The following CDH13 variants were observed in gnomAD, a reference collection of about 807,000 sequenced individuals.
CDH13 encodes cadherin 13, also known as cadherin-13.
In CDH13, 24 loss-of-function variants were observed where a neutral mutation model predicts 63.8. The ratio of observed to expected loss-of-function variants is 0.38; its 90% CI spans 0.27 to 0.53. CDH13 has a LOEUF of 0.53. Ranked by LOEUF, CDH13 falls within the 20% of genes least tolerant of loss-of-function variation. The pLI, the probability that CDH13 is intolerant of heterozygous loss-of-function variation, is 0.85. For missense variants in CDH13, 1,049 were observed against 903.1 expected, an observed-to-expected ratio of 1.16 and a Z score of -2.07; for synonymous variants, 503 against 355.3, an observed-to-expected ratio of 1.42 and a Z score of -4.67.
rs1212082634 is a variant in CDH13 at position 83,114,107 on chromosome 16, C to T, written c.367-11278C>T. Among the ~76,000 whole-genome samples, 8 of 152,202 alleles carry T rather than the reference C, an allele frequency of 5.3e-5. 1 individual carries two copies. The highest frequency in any genetic ancestry group is 2.6e-4 in the Admixed American group (4 of 15,284). ...TGGGCAAAGCAGTTTATTTTCTACC[C>T]GAAGCATATCTACTAATAGAAATGA... On this transcript the variant is annotated intron_variant, in intron 3 of 13. Transcript: ENST00000567109.
chr16:83,333,756 A>G (rs116477455), intron 5 of CDH13, among the ~76,000 whole-genome samples: 1,757 of 152,272 alleles, frequency 0.012, 37 homozygotes, highest in African/African-American at 0.04. Flanking sequence ...AGAGAGCATG[A>G]TCACATGACC....
intron 1 of CDH13, among the ~76,000 whole-genome samples, chr16:82,836,611 G>T (rs2038778097): frequency 2.6e-5 from 4 of 152,076 alleles, no homozygotes; most frequent in Non-Finnish European, 5.9e-5. Flanking sequence ...GATAAGTTCT[G>T]GTATAATGGA....
At chr16:83,245,451 C>T (rs1904894916) in intron 5 of CDH13, among the ~76,000 whole-genome samples, 1 of 152,222 alleles carries the variant, frequency 6.6e-6, no homozygotes, top group Non-Finnish European at 1.5e-5. Flanking sequence ...ACTTTGATCA[C>T]AGAAGCTAAG....
chr16:83,560,354 A>G (rs1200691706), intron 7 of CDH13, among the ~76,000 whole-genome samples: 4 of 152,244 alleles, frequency 2.6e-5, no homozygotes, highest in Non-Finnish European at 4.4e-5. Flanking sequence ...AAAAAGGAGA[A>G]AATCCTGCCA....
intron 2 of CDH13, among the ~76,000 whole-genome samples, chr16:83,008,002 A>G (rs1038331328): frequency 2.0e-4 from 31 of 152,168 alleles, no homozygotes; most frequent in African/African-American, 7.2e-4. Flanking sequence ...TTCATTCATC[A>G]TTAAGTGATT....
At chr16:83,239,804 G>T (rs1201534830) in intron 5 of CDH13, among the ~76,000 whole-genome samples, 2 of 152,154 alleles carry the variant, frequency 1.3e-5, no homozygotes, top group African/African-American at 2.4e-5. Context: ...AGAAGAGCAG[G>T]CAGGTGATGA....
chr16:82,964,254 C>T (rs1389129323), intron 2 of CDH13, among the ~76,000 whole-genome samples: 1 of 152,170 alleles, frequency 6.6e-6, no homozygotes, highest in African/African-American at 2.4e-5. Flanking sequence ...CCCTGTAAAG[C>T]ATTTTACTCT....
chr16:83,098,408 A>G (rs2034309529), intron 3 of CDH13, among the ~76,000 whole-genome samples: 1 of 152,202 alleles, frequency 6.6e-6, no homozygotes, highest in African/African-American at 2.4e-5. Context: ...AAACATAGAA[A>G]AAGGCATATT....
intron 10 of CDH13, among the ~76,000 whole-genome samples, chr16:83,733,015 C>T (rs2150953318): frequency 6.6e-6 from 1 of 152,304 alleles, no homozygotes; most frequent in East Asian, 1.9e-4. Flanking sequence ...GTGAAAATTA[C>T]AACATCAGAT....
At chr16:82,972,944 AT>A (rs1908980389) in intron 2 of CDH13, among the ~76,000 whole-genome samples, 1 of 152,120 alleles carries the variant, frequency 6.6e-6, no homozygotes, top group South Asian at 2.1e-4. Context: ...TCACCACTTT[AT>A]TTTTTTAAAG....
chr16:83,295,623 G>T (rs960880548), intron 5 of CDH13, among the ~76,000 whole-genome samples: 1 of 152,102 alleles, frequency 6.6e-6, no homozygotes, highest in Non-Finnish European at 1.5e-5. Flanking sequence ...ACCACAATGA[G>T]ATATCACCTC....
intron 5 of CDH13, among the ~76,000 whole-genome samples, chr16:83,286,768 A>T (rs200461357): frequency 3.1e-3 from 301 of 98,410 alleles, no homozygotes; most frequent in African/African-American, 8.6e-3. Context: ...AAAAAAAAAA[A>T]TGTATATATA....
At chr16:83,265,997 T>C (rs113302343) in intron 5 of CDH13, among the ~76,000 whole-genome samples, 15,109 of 152,026 alleles carry the variant, frequency 0.099, 818 homozygotes, top group East Asian at 0.19. Context: ...AGTGCAGTGG[T>C]GCAATCTTGG....
chr16:83,229,152 G>A (rs1252257959), intron 5 of CDH13, among the ~76,000 whole-genome samples: 3 of 152,118 alleles, frequency 2.0e-5, no homozygotes, highest in Non-Finnish European at 4.4e-5. Context: ...TCTCAGGAAG[G>A]GAGTGACATC....
At chr16:82,661,091 G>C (rs367563963) in intron 1 of CDH13, among the ~76,000 whole-genome samples, 1 of 152,204 alleles carries the variant, frequency 6.6e-6, no homozygotes. Flanking sequence ...GGTGGCCCAG[G>C]GGCCGGTGTG....
chr16:83,466,945 C>T (rs1303727295), intron 6 of CDH13, among the ~76,000 whole-genome samples: 1 of 152,192 alleles, frequency 6.6e-6, no homozygotes, highest in Non-Finnish European at 1.5e-5. Flanking sequence ...ACCCCACCAT[C>T]TAGACTGCCG....
At chr16:83,707,489 TTG>T (rs1907258251) in intron 10 of CDH13, among the ~76,000 whole-genome samples, 2 of 152,220 alleles carry the variant, frequency 1.3e-5, no homozygotes, top group African/African-American at 4.8e-5. Flanking sequence ...TTAATTTGAC[TTG>T]TCTTTCTTTT....
rs1321752637 is a variant in CDH13, at chr16:82,644,500, A to G, written c.45+17363A>G. On this transcript the variant is annotated intron_variant, in intron 1 of 13. Transcript: ENST00000567109. This position sits in a 1 kb window ranked among gnomAD's most constrained non-coding sequence, Gnocchi z 5.7. Reference sequence around the variant, plus strand: ...TGAGTGACAAAGCCATTAGCCATGCACAGTGAAACAAGGAAAGCAGCCTAG... The same window carrying G: ...TGAGTGACAAAGCCATTAGCCATGCGCAGTGAAACAAGGAAAGCAGCCTAG... 1.3e-5 allele frequency among the ~76,000 whole-genome samples: 2 copies of G among 152,222 alleles called. No individual in the cohort carries two copies. The highest frequency in any genetic ancestry group is 4.8e-5 in the African/African-American group (2 of 41,452).
chr16:82,907,288 C>T (rs559644935), intron 2 of CDH13, among the ~76,000 whole-genome samples: 1 of 152,192 alleles, frequency 6.6e-6, no homozygotes, highest in African/African-American at 2.4e-5. Flanking sequence ...CCCACAGTGA[C>T]CCCCGCTGCC....
Sources: gnomAD v4.1 joint callset for allele counts (sites outside exome capture counted in the v4.1 genomes callset) on GRCh38, gnomAD v4.1.1 for gene constraint, Gnocchi (gnomAD v3.1) non-coding constraint, MANE v1.5 for transcripts, NCBI Gene and HGNC (gene_info 2026-07-23, HGNC 2026-07-21) for gene names.